Variants in TUT7 observed in about 807,000 individuals in gnomAD.
TUT7 encodes terminal uridylyl transferase 7.
In TUT7, 33 loss-of-function variants were observed where a neutral mutation model predicts 165.9. The ratio of observed to expected loss-of-function variants is 0.20; its 90% CI spans 0.15 to 0.27. The LOEUF (loss-of-function observed/expected upper bound fraction) is 0.27. Ranked by LOEUF, TUT7 falls within the 10% of genes least tolerant of loss-of-function variation. TUT7 has a pLI of 1.00. For synonymous variants in TUT7, 552 were observed against 608.1 expected, an observed-to-expected ratio of 0.91 and a Z score of 1.36; for missense variants, 1,338 against 1,762.3, an observed-to-expected ratio of 0.76 and a Z score of 4.31.
intron 15 of TUT7, 125 bp from the exon 16 acceptor site, chr9:86,319,183 T>C: frequency 1.6e-6 from 1 of 622,822 alleles, no homozygotes; most frequent in Non-Finnish European, 2.7e-6. Flanking sequence ...CTCATACTTA[T>C]GTTCTCTGAT....
chr9:86,313,796 C>T (rs1277635481), intron 17 of TUT7, among the ~76,000 whole-genome samples: 1 of 152,158 alleles, frequency 6.6e-6, no homozygotes, highest in Admixed American at 6.6e-5. Context: ...TAAGCTCATT[C>T]TGAGATGTCA....
At chr9:86,294,874 A>G (rs1037047369) in intron 26 of TUT7, among the ~76,000 whole-genome samples, 3 of 151,868 alleles carry the variant, frequency 2.0e-5, no homozygotes, top group Non-Finnish European at 4.4e-5. Context: ...TATAAAAAAA[A>G]AAAGTAATTT....
At chr9:86,298,792 T>C (rs1416296015) in intron 26 of TUT7, 7 of 985,162 alleles carry the variant, frequency 7.1e-6, no homozygotes, top group Admixed American at 6.1e-5. Context: ...AAAATATTGT[T>C]GTTTTTTGTT....
intron 10 of TUT7, among the ~76,000 whole-genome samples, chr9:86,336,227 G>C (rs1830765715): frequency 6.6e-6 from 1 of 152,066 alleles, no homozygotes; most frequent in South Asian, 2.1e-4. Flanking sequence ...CTTAGATCAA[G>C]GTGAAAGGAA....
chr9:86,307,699 A>G (rs1659404798), intron 22 of TUT7, among the ~76,000 whole-genome samples: 1 of 152,184 alleles, frequency 6.6e-6, no homozygotes, highest in Non-Finnish European at 1.5e-5. Flanking sequence ...CATTCAATAG[A>G]AAAAGATAAG....
At chr9:86,329,115 T>C (rs966553036) in intron 10 of TUT7, among the ~76,000 whole-genome samples, 2 of 152,244 alleles carry the variant, frequency 1.3e-5, no homozygotes, top group Admixed American at 6.5e-5. Flanking sequence ...TTATGTGCTA[T>C]TAATGAATAT....
chr9:86,297,862 C>G (rs1016183469), intron 26 of TUT7, among the ~76,000 whole-genome samples: 5 of 151,736 alleles, frequency 3.3e-5, no homozygotes, highest in African/African-American at 1.2e-4. Flanking sequence ...CTTCATAACC[C>G]AGATCTATCC....
chr9:86,319,130 C>T, intron 15 of TUT7, 72 bp from the exon 16 acceptor site: 1 of 1,060,732 alleles, frequency 9.4e-7, no homozygotes, highest in Non-Finnish European at 1.4e-6. Context: ...ATGGCCCTCT[C>T]ATGAATCAAA....
intron 2 of TUT7, among the ~76,000 whole-genome samples, chr9:86,349,269 A>G (rs1473133705): frequency 6.6e-6 from 1 of 151,998 alleles, no homozygotes; most frequent in Non-Finnish European, 1.5e-5. Flanking sequence ...ACAAGAGTGA[A>G]ACTCCATCTC....
chr9:86,323,860 A>G lies in TUT7; in HGVS notation c.1890T>C (p.Ala630=), dbSNP rs763083885. The change falls in exon 13 of 27, where the codon GCT becomes GCC. Residue 630 remains alanine (A), a synonymous_variant. Coordinates refer to ENST00000375963, the MANE Select transcript of TUT7 (RefSeq NM_024617.4). Reference sequence around the variant, plus strand: ...TGGATTTTGTAATTTTGTGTGGAAGAGCAAAATACTTGTATGTTGTCCTTA... The same window carrying G: ...TGGATTTTGTAATTTTGTGTGGAAGGGCAAAATACTTGTATGTTGTCCTTA... The part of the protein sequence containing the change: ...HCLRTTYKYF[A]LPHKITKSSL... 1.2e-6 allele frequency: 2 copies of G among 1,614,156 alleles called. No individual in the cohort carries two copies. The highest frequency in any genetic ancestry group is 1.7e-6 in the Non-Finnish European group (2 of 1,179,988).
At chr9:86,351,128 G>GT (rs1389283342) in intron 2 of TUT7, among the ~76,000 whole-genome samples, 2 of 99,842 alleles carry the variant, frequency 2.0e-5, no homozygotes, top group African/African-American at 8.2e-5. Flanking sequence ...CAGTGAGACT[G>GT]TCTCAAAAAA....
Position 86,323,450 on chromosome 9 carries a change from T to C in TUT7, c.2300A>G (p.Gln767Arg). The change falls in exon 13 of 27, where the codon CAG becomes CGG. Residue 767 changes from glutamine to arginine, a missense_variant. Gln to Arg is a conservative substitution (Grantham distance 43, BLOSUM62 1). This residue lies in a region of TUT7 where 425 missense variants were observed against 474.9 expected (regional missense o/e 0.89). Coordinates refer to ENST00000375963, the MANE Select transcript of TUT7 (RefSeq NM_024617.4). Reference protein sequence around the residue: ...RKGKHLLTVDQKRGEHVVCGS... With the variant: ...RKGKHLLTVDRKRGEHVVCGS... ...ACAGACAACATGCTCTCCACGTTTC[T>C]GATCAACAGTCAACAGATGCTTGCC... The C allele has an allele frequency of 3.1e-6, 5 of 1,614,248 alleles. No homozygotes were observed. The highest frequency in any genetic ancestry group is 4.2e-6 in the Non-Finnish European group (5 of 1,180,036).
intron 24 of TUT7, among the ~76,000 whole-genome samples, chr9:86,303,904 A>G (rs1236926423): frequency 6.6e-6 from 1 of 152,242 alleles, no homozygotes; most frequent in African/African-American, 2.4e-5. Flanking sequence ...TCAGATGTAC[A>G]GATGTAATCA....
rs1359417564 is a variant in TUT7 at position 86,328,260 on chromosome 9, G to A, written c.1608+80C>T. On this transcript the variant is annotated intron_variant, in intron 11 of 26. Transcript: ENST00000375963. ...GCCACGAAATAGTAAAGATAGTTAA[G>A]GAAAGAAGACAAGACTGACTAATCC... 9 of 1,353,064 alleles carry A rather than the reference G, an allele frequency of 6.7e-6. No homozygotes were observed. The East Asian group carries it at 2.1e-4, about 32-fold the overall frequency. The allele number at this position is 1,353,064 out of a possible 1,614,324, so 83.8% of individuals were successfully genotyped here.
intron 26 of TUT7, 106 bp from the exon 27 acceptor site, chr9:86,288,850 T>A: frequency 1.3e-6 from 1 of 760,258 alleles, no homozygotes; most frequent in Non-Finnish European, 2.2e-6. Context: ...AACTTCATAC[T>A]AGAATTGGTC....
chr9:86,319,674 T>G lies in TUT7; in HGVS notation c.3029-4A>C. 6.3e-7 allele frequency: 1 copy of G among 1,592,830 alleles called. No homozygotes were observed. Among genetic ancestry groups the G allele is most frequent in the Non-Finnish European group, 8.6e-7 (1 of 1,168,806 alleles). The stretch of plus-strand genomic sequence containing the variant: ...ATAATTGTTGGAGAAAAATCCTCTG[T>G]TTAAAAATAAATAGACATATTGACA... On this transcript the variant is annotated splice_polypyrimidine_tract_variant and splice_region_variant and intron_variant, in intron 14 of 26. Transcript: ENST00000375963.
At chr9:86,295,126 A>T (rs926188544) in intron 26 of TUT7, among the ~76,000 whole-genome samples, 2 of 144,992 alleles carry the variant, frequency 1.4e-5, no homozygotes, top group African/African-American at 5.7e-5. Flanking sequence ...AGAAGTTCAA[A>T]CAAACAAACA....
chr9:86,303,622 CTA>C (rs941216673), intron 24 of TUT7, among the ~76,000 whole-genome samples: 1 of 152,140 alleles, frequency 6.6e-6, no homozygotes. Context: ...AGAAAAAAAA[CTA>C]TGTGTTTCTA....
intron 5 of TUT7, among the ~76,000 whole-genome samples, chr9:86,344,564 C>T (rs1831590585): frequency 6.6e-6 from 1 of 151,144 alleles, no homozygotes; most frequent in South Asian, 2.1e-4. Context: ...TGCTGCAATT[C>T]TCTTAAGTAC....
Sources: gnomAD v4.1 joint callset for allele counts (sites outside exome capture counted in the v4.1 genomes callset) on GRCh38, gnomAD v4.1.1 for gene constraint, gnomAD v4.1.1 regional missense constraint, MANE v1.5 for transcripts, NCBI Gene and HGNC (gene_info 2026-07-23, HGNC 2026-07-21) for gene names.